FARP1: variants seen among roughly 807,000 people sequenced by gnomAD.
FARP1 encodes the protein FERM, ARHGEF and pleckstrin domain-containing protein 1.
A neutral mutation model predicts 128.8 loss-of-function variants in FARP1; 52 were observed. The ratio of observed to expected loss-of-function variants is 0.40; its 90% CI spans 0.32 to 0.51. FARP1 has a LOEUF of 0.51. FARP1 is among the 20% of genes least tolerant of loss of function. The pLI is 0.45. For synonymous variants in FARP1, 580 were observed against 551.8 expected (o/e 1.05, Z -0.72); for missense variants, 1,333 against 1,367.9 (o/e 0.97, Z 0.40).
chr13:98,185,974 AG>A (rs1209646444), intron 1 of FARP1, among the ~76,000 whole-genome samples: 1 of 152,228 alleles, frequency 6.6e-6, no homozygotes, highest in Non-Finnish European at 1.5e-5. Context: ...CTGAGATTAT[AG>A]GCGTGAGCCA....
intron 2 of FARP1, among the ~76,000 whole-genome samples, chr13:98,246,241 G>A (rs1234584972): frequency 5.3e-5 from 8 of 150,224 alleles, no homozygotes; most frequent in South Asian, 2.1e-4. Context: ...GACTACAGGC[G>A]CCCGCCACCT....
At chr13:98,272,905 G>T (rs1884456364) in intron 2 of FARP1, among the ~76,000 whole-genome samples, 2 of 152,194 alleles carry the variant, frequency 1.3e-5, no homozygotes, top group Admixed American at 6.5e-5. Flanking sequence ...TCAAAAGCTA[G>T]AAGGGCCCTG....
At chr13:98,252,635 C>G (rs1883398949) in intron 2 of FARP1, among the ~76,000 whole-genome samples, 2 of 152,118 alleles carry the variant, frequency 1.3e-5, no homozygotes, top group Non-Finnish European at 2.9e-5. Context: ...CTCCAAAATG[C>G]CAGGTATCTC....
intron 13 of FARP1, chr13:98,401,409 T>C (rs1397432519): frequency 3.3e-4 from 1 of 3,026 alleles, no homozygotes; most frequent in East Asian, 0.017. Flanking sequence ...TAAAAAATAA[T>C]GACAAAACAC....
intron 2 of FARP1, among the ~76,000 whole-genome samples, chr13:98,317,440 G>A (rs1262777294): frequency 6.6e-6 from 1 of 152,150 alleles, no homozygotes; most frequent in Non-Finnish European, 1.5e-5. Flanking sequence ...CCCATTTTGG[G>A]TGGTCTCCTT....
In FARP1 at chr13:98,213,710, T is replaced by C. The variant is rs372646848; in HGVS notation, c.171+297T>C. 7.2e-5 allele frequency among the ~76,000 whole-genome samples: 11 copies of C among 152,326 alleles called. 1 individual carries two copies. Among genetic ancestry groups the C allele is most frequent in the East Asian group, 3.9e-4 (2 of 5,174 alleles). On this transcript the variant is annotated intron_variant, in intron 2 of 26. Coordinates refer to ENST00000319562, the MANE Select transcript of FARP1 (RefSeq NM_005766.4). ...AATCTAAGTGCATATGTATATGTTA[T>C]GTATATATATGTAACTGGAGGGAAG...
At chr13:98,404,623 C>A (rs566916463) in intron 13 of FARP1, 55 of 152,174 alleles carry the variant, frequency 3.6e-4, no homozygotes, top group African/African-American at 1.3e-3. Flanking sequence ...CCTACTTGGG[C>A]CTTTTGAGCA....
At chr13:98,314,647 TG>T (rs1295010182) in intron 2 of FARP1, among the ~76,000 whole-genome samples, 1 of 152,198 alleles carries the variant, frequency 6.6e-6, no homozygotes, top group Non-Finnish European at 1.5e-5. Context: ...GAAATGTTTG[TG>T]GTGGAATCCT....
chr13:98,198,815 T>C (rs1879741198), intron 1 of FARP1, among the ~76,000 whole-genome samples: 1 of 133,084 alleles, frequency 7.5e-6, no homozygotes, highest in African/African-American at 2.8e-5. Flanking sequence ...GAGGCCAAGA[T>C]TGCAGTGAGC....
At position 98,377,892 on chromosome 13, in the gene FARP1, C is replaced by T. The variant is rs765624407; in HGVS notation, c.470C>T (p.Ala157Val). Residue 157 changes from alanine (A) to valine (V), a missense_variant, in exon 6 of 27, where the codon GCT (alanine) becomes GTT (valine). Transcript: ENST00000319562. ...TTGACGTGTAATGACACCAGCGCAG[C>T]TCTCTTGATTTCACACATTGTGCAA... ...GRLTCNDTSA[A>V]LLISHIVQSE... 6.2e-7 allele frequency: 1 copy of T among 1,613,318 alleles called. No homozygotes were observed. The highest frequency in any genetic ancestry group is 8.5e-7 in the Non-Finnish European group (1 of 1,179,286).
At chr13:98,310,201 G>T (rs1001853032) in intron 2 of FARP1, among the ~76,000 whole-genome samples, 2 of 151,970 alleles carry the variant, frequency 1.3e-5, no homozygotes, top group African/African-American at 4.8e-5. Context: ...CTTCCCGACG[G>T]CAGCTTTGAC....
intron 2 of FARP1, among the ~76,000 whole-genome samples, chr13:98,306,641 A>C (rs1886176256): frequency 1.3e-5 from 2 of 151,572 alleles, no homozygotes; most frequent in African/African-American, 4.9e-5. Flanking sequence ...CAGCCTCCTG[A>C]GTAGCTGGGA....
chr13:98,386,328 A>G (rs1890097615), intron 8 of FARP1, among the ~76,000 whole-genome samples: 2 of 152,004 alleles, frequency 1.3e-5, no homozygotes, highest in African/African-American at 4.8e-5. Flanking sequence ...CATTCTTGCA[A>G]TTTTGTAGCA....
At chr13:98,414,145 A>G (rs1891292225) in intron 16 of FARP1, among the ~76,000 whole-genome samples, 1 of 152,198 alleles carries the variant, frequency 6.6e-6, no homozygotes, top group Non-Finnish European at 1.5e-5. Context: ...TCTGTGAAAG[A>G]GTAGTGAGTT....
Position 98,448,236 on chromosome 13 carries a change from G to A in FARP1, c.3057G>A (p.Arg1019=). The part of the protein sequence containing the change: ...FRAESEYTFE[R]WMEVIRSATS... ...ACTAACTGGCGTTCCCGTGTTGCAG[G>A]TGGATGGAAGTGATCCGCAGTGCCA... is the stretch of plus-strand genomic sequence containing the variant. Residue 1019 remains arginine (R), a splice_region_variant and synonymous_variant, in exon 27 of 27, where the codon AGG becomes AGA. Transcript: ENST00000319562. 1.2e-6 allele frequency: 2 copies of A among 1,613,662 alleles called. No individual in the cohort carries two copies. The highest frequency in any genetic ancestry group is 1.7e-6 in the Non-Finnish European group (2 of 1,179,570).
chr13:98,261,834 G>A (rs927156601), intron 2 of FARP1, among the ~76,000 whole-genome samples: 1 of 152,020 alleles, frequency 6.6e-6, no homozygotes, highest in Admixed American at 6.6e-5. Context: ...GTTGCTGTGG[G>A]GAGGGCATCA....
At chr13:98,195,751 G>T (rs1879532741) in intron 1 of FARP1, among the ~76,000 whole-genome samples, 1 of 152,192 alleles carries the variant, frequency 6.6e-6, no homozygotes, top group Non-Finnish European at 1.5e-5. Context: ...TACCGGCCAG[G>T]TGTGGTGACT....
intron 2 of FARP1, among the ~76,000 whole-genome samples, chr13:98,291,100 C>T (rs1885427946): frequency 6.6e-6 from 1 of 152,080 alleles, no homozygotes; most frequent in South Asian, 2.1e-4. Context: ...TTTTGACTCC[C>T]CAAAAACTTA....
intron 4 of FARP1, among the ~76,000 whole-genome samples, chr13:98,367,471 G>T (rs2139972649): frequency 6.6e-6 from 1 of 151,338 alleles, no homozygotes; most frequent in South Asian, 2.1e-4. Flanking sequence ...TTTATAATCT[G>T]TCTGTCCTGT....
Sources: gnomAD v4.1 joint callset for allele counts (sites outside exome capture counted in the v4.1 genomes callset) on GRCh38, gnomAD v4.1.1 for gene constraint, MANE v1.5 for transcripts, NCBI Gene and HGNC (gene_info 2026-07-23, HGNC 2026-07-21) for gene names.